ROBO2: variants seen among roughly 807,000 people sequenced by gnomAD.
ROBO2 encodes the protein roundabout homolog 2.
ROBO2 carries 53 observed loss-of-function variants against 160.8 expected under a neutral mutation model. That is an observed-to-expected ratio of 0.33 (90% confidence interval 0.26 to 0.41). ROBO2 has a LOEUF of 0.41. Among genes scored for constraint, ROBO2 ranks in the 10% least tolerant of loss-of-function variants. The pLI is 1.00. For synonymous variants in ROBO2, 664 were observed against 611.7 expected, an observed-to-expected ratio of 1.09 and a Z score of -1.26; for missense variants, 1,577 against 1,722.4, an observed-to-expected ratio of 0.92 and a Z score of 1.49.
Position 76,521,205 on chromosome 3 carries a change from C to T in ROBO2, c.110-576809C>T, listed in dbSNP as rs375892854. Among the ~76,000 whole-genome samples, 46 of 152,136 alleles carry T rather than the reference C, an allele frequency of 3.0e-4. 1 individual carries two copies. Among genetic ancestry groups the T allele is most frequent in the South Asian group, 2.7e-3 (13 of 4,814 alleles). Reference sequence around the variant, plus strand: ...TTGGGACTACAGGCATGCGTCACCACGCTTGGCTAATTTTTGTATTTTTAG... The same window carrying T: ...TTGGGACTACAGGCATGCGTCACCATGCTTGGCTAATTTTTGTATTTTTAG... On this transcript the variant is annotated intron_variant, in intron 2 of 26. Transcript: ENST00000487694.
intron 2 of ROBO2, among the ~76,000 whole-genome samples, chr3:77,202,549 C>G (rs982157301): frequency 4.6e-5 from 7 of 152,072 alleles, no homozygotes; most frequent in African/African-American, 1.4e-4. Flanking sequence ...TCATCATTTG[C>G]TTTAAAAATT....
chr3:77,303,768 T>A (rs2062857515), intron 2 of ROBO2, among the ~76,000 whole-genome samples: 1 of 152,062 alleles, frequency 6.6e-6, no homozygotes, highest in South Asian at 2.1e-4. Context: ...ATATATTCAA[T>A]CTTTATTTGA....
At chr3:76,322,184 AT>A (rs1287247929) in intron 2 of ROBO2, among the ~76,000 whole-genome samples, 1 of 59,134 alleles carries the variant, frequency 1.7e-5, no homozygotes, top group Non-Finnish European at 5.7e-5. Context: ...ATATATATAT[AT>A]ATATATATAT....
At chr3:76,771,758 C>T (rs2061920055) in intron 2 of ROBO2, among the ~76,000 whole-genome samples, 1 of 150,954 alleles carries the variant, frequency 6.6e-6, no homozygotes, top group Non-Finnish European at 1.5e-5. Flanking sequence ...TAGTTTAAAA[C>T]TCTGGGGAAA....
chr3:77,144,185 A>G (rs1260858244), intron 2 of ROBO2, among the ~76,000 whole-genome samples: 2 of 152,144 alleles, frequency 1.3e-5, no homozygotes, highest in Admixed American at 1.3e-4. Context: ...TTGTTTAACC[A>G]GTTTACTCTC....
chr3:76,185,195 G>GATATATAT (rs1219580267), intron 2 of ROBO2, among the ~76,000 whole-genome samples: 681 of 44,516 alleles, frequency 0.015, 47 homozygotes, highest in East Asian at 0.046. Flanking sequence ...AGTAAACACA[G>GATATATAT]ATATATATAT....
intron 2 of ROBO2, among the ~76,000 whole-genome samples, chr3:76,341,519 G>T (rs1283022416): frequency 7.3e-6 from 1 of 136,686 alleles, no homozygotes; most frequent in Non-Finnish European, 1.6e-5. Context: ...AAAAAAAAAA[G>T]ATGTGTTGAT....
chr3:77,631,428 A>G (rs2095160241), intron 23 of ROBO2: 1 of 152,156 alleles, frequency 6.6e-6, no homozygotes, highest in Non-Finnish European at 1.5e-5. Context: ...GTAAATATGT[A>G]TTTGGTTTAT....
chr3:76,580,317 G>GTTT lies in ROBO2; in HGVS notation c.110-517689_110-517687dup, dbSNP rs1329634324. ...TCCCCCAACTGCTAACCCAACCCCT[G>GTTT]TTTTTTTTTTGTTTTTTTTTTTGTG... On this transcript the variant is annotated intron_variant, in intron 2 of 26. Transcript: ENST00000487694. 2.5e-3 allele frequency among the ~76,000 whole-genome samples: 95 copies of GTTT among 38,662 alleles called. 1 individual carries two copies. The highest frequency in any genetic ancestry group is 3.7e-3 in the Non-Finnish European group (53 of 14,324). 25.4% of individuals were successfully genotyped at this position (38,662 alleles called of 152,430 possible).
intron 12 of ROBO2, among the ~76,000 whole-genome samples, chr3:77,567,690 A>G (rs2093524063): frequency 6.6e-6 from 1 of 152,084 alleles, no homozygotes. Flanking sequence ...TATCAGTATT[A>G]TAACTATTTC....
At chr3:77,309,780 C>T (rs2063389010) in intron 2 of ROBO2, among the ~76,000 whole-genome samples, 1 of 152,190 alleles carries the variant, frequency 6.6e-6, no homozygotes. Context: ...CAAACATTTA[C>T]ATCAGCAAGA....
chr3:77,079,342 C>T (rs2068373411), intron 1 of ROBO2, among the ~76,000 whole-genome samples: 3 of 152,150 alleles, frequency 2.0e-5, no homozygotes, highest in Admixed American at 6.5e-5. Flanking sequence ...ATGAGACTGA[C>T]GTTACAGGTA....
chr3:77,225,232 T>A (rs1049385463), intron 2 of ROBO2, among the ~76,000 whole-genome samples: 3 of 152,032 alleles, frequency 2.0e-5, no homozygotes, highest in Admixed American at 6.6e-5. Context: ...TGTAGGCACT[T>A]TGTTTTTTAA....
intron 2 of ROBO2, among the ~76,000 whole-genome samples, chr3:76,575,326 A>G (rs2085220645): frequency 6.6e-6 from 1 of 152,048 alleles, no homozygotes; most frequent in Non-Finnish European, 1.5e-5. Flanking sequence ...TCCTAATACT[A>G]TAAAATATTT....
At chr3:77,356,067 A>T (rs1175362241) in intron 2 of ROBO2, among the ~76,000 whole-genome samples, 4 of 152,170 alleles carry the variant, frequency 2.6e-5, no homozygotes, top group African/African-American at 9.6e-5. Flanking sequence ...GGTAATACTT[A>T]TGTATGTGGG....
In ROBO2 at chr3:77,577,477, A is replaced by G. The variant is rs764691159; in HGVS notation, c.2204-13A>G. On this transcript the variant is annotated splice_polypyrimidine_tract_variant and intron_variant, in intron 14 of 25. Coordinates refer to ENST00000461745, the Ensembl canonical transcript of ROBO2. ...CTTATAGTTTGCATTTATTCTAATTACTTCCTCTACAGCCCCAAGTGCCCC... is the reference window on the plus strand; with the variant it reads ...CTTATAGTTTGCATTTATTCTAATTGCTTCCTCTACAGCCCCAAGTGCCCC... The G allele has an allele frequency of 6.2e-7, 1 of 1,613,198 alleles. No individual in the cohort carries two copies. The highest frequency in any genetic ancestry group is 1.1e-5 in the South Asian group (1 of 91,072).
chr3:76,200,926 T>C (rs1702493297), intron 2 of ROBO2, among the ~76,000 whole-genome samples: 2 of 152,130 alleles, frequency 1.3e-5, no homozygotes, highest in Non-Finnish European at 2.9e-5. Context: ...ATTGAAAAAA[T>C]AAAAATAAAG....
intron 2 of ROBO2, among the ~76,000 whole-genome samples, chr3:77,156,753 T>C (rs1344661566): frequency 1.3e-5 from 2 of 149,860 alleles, no homozygotes; most frequent in African/African-American, 2.4e-5. Context: ...AATTAGAATA[T>C]ATAAAAATAT....
intron 2 of ROBO2, among the ~76,000 whole-genome samples, chr3:77,244,376 C>G (rs2089442550): frequency 6.6e-6 from 1 of 152,046 alleles, no homozygotes; most frequent in African/African-American, 2.4e-5. Context: ...AACTGTTGGA[C>G]TTAGGAAGGA....
Sources: gnomAD v4.1 joint callset for allele counts (sites outside exome capture counted in the v4.1 genomes callset) on GRCh38, gnomAD v4.1.1 for gene constraint, MANE v1.5 for transcripts, NCBI Gene and HGNC (gene_info 2026-07-23, HGNC 2026-07-21) for gene names.